COL25A1: variants seen among roughly 807,000 people sequenced by gnomAD.
The protein encoded by COL25A1 is collagen alpha-1(XXV) chain.
In COL25A1, 103 loss-of-function variants were observed where a neutral mutation model predicts 128.4. The ratio of observed to expected loss-of-function variants is 0.80; its 90% CI spans 0.68 to 0.94. The LOEUF is 0.94. COL25A1 is among the 40% of genes least tolerant of loss of function. COL25A1 has a pLI of 0.00. For synonymous variants in COL25A1, 279 were observed against 277.2 expected (o/e 1.01, Z -0.06); for missense variants, 745 against 840.0 (o/e 0.89, Z 1.40).
chr4:109,068,094 C>T (rs1048502519), intron 3 of COL25A1, among the ~76,000 whole-genome samples: 3 of 152,186 alleles, frequency 2.0e-5, no homozygotes, highest in African/African-American at 7.2e-5. Flanking sequence ...CTGTGCATAT[C>T]TTCAGTAGCT....
At chr4:108,942,151 G>A in intron 8 of COL25A1, 3 of 1,513,412 alleles carry the variant, frequency 2.0e-6, no homozygotes, top group East Asian at 4.9e-5. Context: ...AATGGTTCCT[G>A]CTCACGCTTA....
intron 8 of COL25A1, among the ~76,000 whole-genome samples, chr4:108,951,877 C>T (rs1025116597): frequency 8.5e-5 from 13 of 152,212 alleles, no homozygotes; most frequent in African/African-American, 3.1e-4. Flanking sequence ...GGGTGTCAGA[C>T]AATATGCATA....
At chr4:109,135,207 G>T (rs1163289354) in intron 3 of COL25A1, among the ~76,000 whole-genome samples, 1 of 152,074 alleles carries the variant, frequency 6.6e-6, no homozygotes, top group Non-Finnish European at 1.5e-5. Flanking sequence ...GATGTTCCAT[G>T]AAGATAGGCA....
intron 6 of COL25A1, among the ~76,000 whole-genome samples, chr4:108,988,052 C>T (rs7655412): frequency 1.3e-5 from 2 of 152,124 alleles, no homozygotes; most frequent in African/African-American, 2.4e-5. Flanking sequence ...TAACAAACAC[C>T]GACTTTGGAG....
chr4:109,228,248 C>G (rs1315168494), intron 3 of COL25A1, among the ~76,000 whole-genome samples: 1 of 152,126 alleles, frequency 6.6e-6, no homozygotes, highest in East Asian at 1.9e-4. Flanking sequence ...AATGCTCTAC[C>G]AGGTTTCTAG....
intron 3 of COL25A1, among the ~76,000 whole-genome samples, chr4:109,186,154 G>A (rs757068499): frequency 2.6e-5 from 4 of 152,060 alleles, no homozygotes; most frequent in Admixed American, 6.6e-5. Context: ...AGAGAAGCAC[G>A]TGGAAATCTC....
rs750586384 is a variant in COL25A1, at chr4:108,852,068, A to G, written c.1389+168T>C. On this transcript the variant is annotated intron_variant, in intron 26 of 37. Transcript: ENST00000399132. ...TTCCCTTCTTCTTTTCTAATTTTCT[A>G]TCTTCCTTCAGTCCAGACCTCAATT... is the stretch of plus-strand genomic sequence containing the variant. 6.6e-5 allele frequency among the ~76,000 whole-genome samples: 10 copies of G among 151,124 alleles called. 1 individual carries two copies. The South Asian group carries it at 1.9e-3, about 29-fold the overall frequency.
chr4:109,292,626 A>G (rs1163622074), intron 3 of COL25A1, among the ~76,000 whole-genome samples: 3 of 152,026 alleles, frequency 2.0e-5, no homozygotes, highest in South Asian at 2.1e-4. Context: ...AAGAGACTGT[A>G]AGTATATCTA....
At chr4:109,157,348 C>T (rs1772130142) in intron 3 of COL25A1, among the ~76,000 whole-genome samples, 1 of 152,192 alleles carries the variant, frequency 6.6e-6, no homozygotes, top group Non-Finnish European at 1.5e-5. Flanking sequence ...AAGATCTTAA[C>T]CATTTTCAAT....
chr4:108,918,864 T>A (rs1745167242), intron 12 of COL25A1, among the ~76,000 whole-genome samples: 1 of 152,222 alleles, frequency 6.6e-6, no homozygotes, highest in South Asian at 2.1e-4. Flanking sequence ...TGTGTGCACA[T>A]GCATAGTGGC....
At chr4:109,232,645 A>G (rs561251612) in intron 3 of COL25A1, among the ~76,000 whole-genome samples, 14 of 152,290 alleles carry the variant, frequency 9.2e-5, no homozygotes, top group African/African-American at 3.4e-4. Context: ...ACATCCATAG[A>G]ATTTTTCTTT....
chr4:108,908,959 C>T (rs1273279052), intron 13 of COL25A1, among the ~76,000 whole-genome samples: 1 of 152,096 alleles, frequency 6.6e-6, no homozygotes, highest in Non-Finnish European at 1.5e-5. Context: ...ATGCAAAAAC[C>T]TGAAAAGACA....
chr4:108,938,419 T>A (rs569353409), intron 10 of COL25A1, among the ~76,000 whole-genome samples: 73 of 152,320 alleles, frequency 4.8e-4, no homozygotes, highest in African/African-American at 1.7e-3. Context: ...TTTATTTTTA[T>A]AGTCTTCTTC....
At chr4:108,925,655 G>A (rs1745962314) in intron 11 of COL25A1, among the ~76,000 whole-genome samples, 1 of 152,174 alleles carries the variant, frequency 6.6e-6, no homozygotes, top group South Asian at 2.1e-4. Context: ...GATACTTAAA[G>A]CAAATCAGGT....
chr4:109,243,914 T>A (rs945870524), intron 3 of COL25A1, among the ~76,000 whole-genome samples: 6 of 152,114 alleles, frequency 3.9e-5, no homozygotes, highest in African/African-American at 1.4e-4. Flanking sequence ...TTGCATCTGT[T>A]GAGCATGTAG....
chr4:109,082,005 C>CA (rs1291235901), intron 3 of COL25A1, among the ~76,000 whole-genome samples: 1 of 152,130 alleles, frequency 6.6e-6, no homozygotes, highest in Non-Finnish European at 1.5e-5. Context: ...GCGCGTAGCC[C>CA]ACTAATCTCT....
In COL25A1 at chr4:109,121,082, G is replaced by A. The variant is rs1023799508; in HGVS notation, c.368-70903C>T. ...AATCAAAATCCCAGCAAGTTACTTT[G>A]TGGATGTCAACAAACTGATTCTAAG... is the stretch of plus-strand genomic sequence containing the variant. On this transcript the variant is annotated intron_variant, in intron 3 of 37. Transcript: ENST00000399132. 2.0e-5 allele frequency among the ~76,000 whole-genome samples: 3 copies of A among 151,982 alleles called. No homozygotes were observed. In the South Asian group the frequency reaches 6.2e-4, roughly 32 times the overall value.
chr4:108,898,289 C>T (rs890728544), intron 15 of COL25A1, among the ~76,000 whole-genome samples: 1 of 151,868 alleles, frequency 6.6e-6, no homozygotes, highest in African/African-American at 2.4e-5. Context: ...TTTTTCTTTA[C>T]AATGTTGAAA....
At chr4:108,933,476 A>T in intron 11 of COL25A1, among the ~76,000 whole-genome samples, 1 of 152,188 alleles carries the variant, frequency 6.6e-6, no homozygotes, top group Non-Finnish European at 1.5e-5. Context: ...AAACAACAAC[A>T]ACTACAAATA....
Sources: gnomAD v4.1 joint callset for allele counts (sites outside exome capture counted in the v4.1 genomes callset) on GRCh38, gnomAD v4.1.1 for gene constraint, MANE v1.5 for transcripts, NCBI Gene and HGNC (gene_info 2026-07-23, HGNC 2026-07-21) for gene names.